The following MYCBP2 variants were observed in gnomAD, a reference collection of about 807,000 sequenced individuals.
The protein encoded by MYCBP2 is MYC binding protein 2.
Under a neutral mutation model 525.3 loss-of-function variants are expected in MYCBP2, and 120 were observed. That is an observed-to-expected ratio of 0.23 (90% CI 0.20 to 0.27). The LOEUF (loss-of-function observed/expected upper bound fraction) is 0.27. MYCBP2 is among the 10% of genes least tolerant of loss of function. The pLI, the probability that MYCBP2 is intolerant of heterozygous loss-of-function variation, is 1.00. For missense variants in MYCBP2, 4,149 were observed against 5,657.1 expected (o/e 0.73, Z 8.55); for synonymous variants, 1,894 against 1,955.8 (o/e 0.97, Z 0.83).
chr13:77,087,393 C>T (rs7992704), intron 62 of MYCBP2, 91 bp downstream of exon 62: 740,311 of 1,104,492 alleles, frequency 0.67, 258,639 homozygotes, highest in Non-Finnish European at 0.73. Flanking sequence ...GTTAGATCTG[C>T]GAATGATTTC....
chr13:77,173,053 G>A (rs777961772), intron 37 of MYCBP2, among the ~76,000 whole-genome samples: 18 of 152,188 alleles, frequency 1.2e-4, no homozygotes, highest in Admixed American at 4.6e-4. Context: ...ATCTCCACTA[G>A]TGTCATCCAA....
rs1259087303 is a variant in MYCBP2 at position 77,098,195 on chromosome 13, T to C, written c.8959A>G (p.Lys2987Glu). The change falls in exon 56 of 83, where the codon AAA (lysine) becomes GAA (glutamate). Residue 2987 changes from lysine to glutamate, a missense_variant. Lys to Glu is a moderately conservative substitution (Grantham distance 56). Transcript: ENST00000544440. ...CTATTAGCACATTTTCGACTTATTT[T>C]GGGAGATGCTCTCATTTCCTGTTCA... Reference protein sequence around the residue: ...KDEQEMRASPKISRKCANRHT... With the variant: ...KDEQEMRASPEISRKCANRHT... The C allele has an allele frequency of 1.2e-6, 2 of 1,613,740 alleles. No homozygotes were observed. Among genetic ancestry groups the C allele is most frequent in the Admixed American group, 1.7e-5 (1 of 59,972 alleles).
intron 52 of MYCBP2, chr13:77,129,455 T>C: frequency 3.0e-6 from 1 of 330,018 alleles, no homozygotes; most frequent in Non-Finnish European, 5.5e-6. Flanking sequence ...ATATAGTGTG[T>C]CATGCCATTT....
chr13:77,114,243 C>T (rs2049330056), intron 55 of MYCBP2, among the ~76,000 whole-genome samples: 1 of 152,100 alleles, frequency 6.6e-6, no homozygotes, highest in African/African-American at 2.4e-5. Flanking sequence ...CTTCCTGCAA[C>T]TCATTCCACA....
chr13:77,218,058 C>T (rs1375034365), intron 20 of MYCBP2, 101 bp from the exon 21 acceptor site: 4 of 700,118 alleles, frequency 5.7e-6, no homozygotes. Context: ...AGATAAAAGG[C>T]ACTCATAAGA....
intron 36 of MYCBP2, among the ~76,000 whole-genome samples, chr13:77,175,497 T>C (rs530740866): frequency 6.6e-6 from 1 of 152,332 alleles, no homozygotes; most frequent in African/African-American, 2.4e-5. Context: ...AAAAGCTTTT[T>C]GGTTTTTCAG....
Position 77,326,876 on chromosome 13 carries a change from G to T in MYCBP2, c.-101C>A. On this transcript the variant is annotated 5_prime_UTR_variant, in exon 1 of 83. Coordinates refer to ENST00000544440, the MANE Select transcript of MYCBP2 (RefSeq NM_015057.5). This position sits in a 1 kb window ranked among gnomAD's most constrained non-coding sequence, Gnocchi z 4.2. ...CTTTTCCAACGACGACGGCTCCGGC[G>T]GCGGCCTCTGGCTCCCGCAGCAGGG... The T allele has an allele frequency of 5.3e-6, 6 of 1,130,792 alleles. No individual in the cohort carries two copies. The highest frequency in any genetic ancestry group is 2.4e-5 in the South Asian group (1 of 41,692). The allele number at this position is 1,130,792 out of a possible 1,614,324, so 70.0% of individuals were successfully genotyped here. A position where few individuals can be genotyped will look rare whatever the true frequency, so the allele number is the denominator to read the frequency against.
chr13:77,321,651 A>C lies in MYCBP2; in HGVS notation c.302+4823T>G, dbSNP rs140888236. The stretch of plus-strand genomic sequence containing the variant: ...TCTAACAGAATTCCTACTGTTACCT[A>C]CATACAAACTGTGCTTTCCTGTCTC... On this transcript the variant is annotated intron_variant, in intron 1 of 82. Coordinates refer to ENST00000544440, the MANE Select transcript of MYCBP2 (RefSeq NM_015057.5). 1.0e-3 allele frequency among the ~76,000 whole-genome samples: 156 copies of C among 152,292 alleles called. 1 individual carries two copies. The highest frequency in any genetic ancestry group is 3.4e-3 in the Middle Eastern group (1 of 294).
chr13:77,273,076 T>A (rs1594542637), intron 5 of MYCBP2, among the ~76,000 whole-genome samples: 1 of 152,184 alleles, frequency 6.6e-6, no homozygotes, highest in East Asian at 1.9e-4. Flanking sequence ...CAATCAAAAA[T>A]ATATCAGATT....
chr13:77,050,892 G>C (rs2036661768), intron 82 of MYCBP2, 105 bp downstream of exon 82: 2 of 1,005,386 alleles, frequency 2.0e-6, no homozygotes, highest in African/African-American at 1.7e-5. Context: ...CTTTAGGCTA[G>C]TTTGAATTGA....
At chr13:77,189,229 T>C (rs2061052846) in intron 29 of MYCBP2, among the ~76,000 whole-genome samples, 182 bp from the exon 30 acceptor site, 1 of 152,192 alleles carries the variant, frequency 6.6e-6, no homozygotes, top group African/African-American at 2.4e-5. Context: ...TTTTAGCATA[T>C]GGGCACTTCC....
At chr13:77,323,165 C>T (rs1594919332) in intron 1 of MYCBP2, among the ~76,000 whole-genome samples, 1 of 152,106 alleles carries the variant, frequency 6.6e-6, no homozygotes, top group East Asian at 1.9e-4. Context: ...AAAACTGAGG[C>T]ATAGAAGTTA....
intron 21 of MYCBP2, among the ~76,000 whole-genome samples, chr13:77,215,028 A>G (rs2064618058): frequency 6.6e-6 from 1 of 152,164 alleles, no homozygotes; most frequent in Non-Finnish European, 1.5e-5. Context: ...ATAAACTGTA[A>G]AACAATGACA....
chr13:77,219,475 G>A (rs549522827), intron 20 of MYCBP2, among the ~76,000 whole-genome samples: 2 of 151,146 alleles, frequency 1.3e-5, no homozygotes, highest in South Asian at 4.2e-4. Context: ...TTTTTTTAAT[G>A]ATAAGAGATT....
intron 20 of MYCBP2, among the ~76,000 whole-genome samples, chr13:77,220,148 C>T (rs2065346978): frequency 6.6e-6 from 1 of 151,798 alleles, no homozygotes; most frequent in South Asian, 2.1e-4. Context: ...GTCCTAGCAC[C>T]ACGACCAAGA....
At chr13:77,049,769 C>T (rs1272023687) in intron 82 of MYCBP2, among the ~76,000 whole-genome samples, 1 of 151,982 alleles carries the variant, frequency 6.6e-6, no homozygotes, top group Non-Finnish European at 1.5e-5. Flanking sequence ...GTGAGTAGCT[C>T]GGATTACAGG....
rs118051938 is a variant in MYCBP2 at position 77,221,626 on chromosome 13, C to A, written c.2939+2825G>T. Among the ~76,000 whole-genome samples the A allele has an allele frequency of 6.2e-3, 939 of 152,266 alleles. 4 individuals carry two copies. The highest frequency in any genetic ancestry group is 0.011 in the Non-Finnish European group (780 of 68,018). Reference sequence around the variant, plus strand: ...GCTGCATACATGACTGAGACCCCATCTTATCTAACTGCAATGCACCTTTCC... The same window carrying A: ...GCTGCATACATGACTGAGACCCCATATTATCTAACTGCAATGCACCTTTCC... On this transcript the variant is annotated intron_variant, in intron 20 of 82. Coordinates refer to ENST00000544440, the MANE Select transcript of MYCBP2 (RefSeq NM_015057.5).
At chr13:77,115,110 C>T (rs980948393) in intron 55 of MYCBP2, among the ~76,000 whole-genome samples, 2 of 151,826 alleles carry the variant, frequency 1.3e-5, no homozygotes, top group African/African-American at 2.4e-5. Flanking sequence ...TAATAGAAAA[C>T]ACAAGATCTT....
Position 77,264,295 on chromosome 13 carries a change from G to GTGTTCATGGTTCATGT in MYCBP2, c.1358-294_1358-293insACATGAACCATGAACA, listed in dbSNP as rs532758409. On this transcript the variant is annotated intron_variant, in intron 8 of 82. Coordinates refer to ENST00000544440, the MANE Select transcript of MYCBP2 (RefSeq NM_015057.5). ...TCTGACAGTAAACATGCACCACGATGAACAAACTATAATGTTGGTTACAAT... is the reference window on the plus strand; with the variant it reads ...TCTGACAGTAAACATGCACCACGATGTGTTCATGGTTCATGTAACAAACTATAATGTTGGTTACAAT... Among the ~76,000 whole-genome samples the GTGTTCATGGTTCATGT allele has an allele frequency of 1.7e-3, 256 of 152,122 alleles. 1 individual carries two copies. The highest frequency in any genetic ancestry group is 5.6e-3 in the African/African-American group (233 of 41,542).
Sources: gnomAD v4.1 joint callset for allele counts (sites outside exome capture counted in the v4.1 genomes callset) on GRCh38, gnomAD v4.1.1 for gene constraint, Gnocchi (gnomAD v3.1) non-coding constraint, MANE v1.5 for transcripts, NCBI Gene and HGNC (gene_info 2026-07-23, HGNC 2026-07-21) for gene names.